Variants in MZT2B observed in about 807,000 individuals in gnomAD.
MZT2B encodes mitotic spindle organizing protein 2B.
In MZT2B, 11 loss-of-function variants were observed where a neutral mutation model predicts 12.1. That is an observed-to-expected ratio of 0.91 (90% CI 0.57 to 1.50). The LOEUF (loss-of-function observed/expected upper bound fraction) is 1.50, where lower values mean the gene tolerates loss of function less well. Among genes scored for constraint, MZT2B ranks in the 40% most tolerant of loss-of-function variants. MZT2B has a pLI of 0.00. For missense variants in MZT2B, 209 were observed against 227.7 expected, an observed-to-expected ratio of 0.92 and a Z score of 0.53; for synonymous variants, 85 against 109.5, an observed-to-expected ratio of 0.78 and a Z score of 1.40.
At chr2:130,198,521 G>A in the MZT2B span, 13 of 877,478 alleles carry the variant, frequency 1.5e-5, 1 homozygote, top group Non-Finnish European at 2.1e-5. Context: ...GGCAGGCCGA[G>A]GGCCGGATCC....
downstream of MZT2B, chr2:130,193,702 C>T: frequency 6.6e-7 from 1 of 1,525,776 alleles, no homozygotes; most frequent in East Asian, 2.3e-5. Context: ...GGGATAGTCT[C>T]CCCAAAGGAT....
intron 2 of MZT2B, among the ~76,000 whole-genome samples, chr2:130,187,482 C>T (rs920418865): frequency 2.0e-5 from 3 of 152,168 alleles, no homozygotes; most frequent in Non-Finnish European, 4.4e-5. Context: ...AGCCACTGAC[C>T]CCTGCTGAGC....
downstream of MZT2B, chr2:130,190,815 C>T: frequency 2.3e-6 from 3 of 1,310,054 alleles, no homozygotes; most frequent in Non-Finnish European, 3.0e-6. Context: ...CTGGTTGTGC[C>T]ACAGTGAACT....
chr2:130,194,737 G>T (rs1219024361), downstream of MZT2B, among the ~76,000 whole-genome samples: 1 of 152,130 alleles, frequency 6.6e-6, no homozygotes, highest in East Asian at 1.9e-4. Context: ...GAGTGCAGTG[G>T]TGCAATCTCA....
At chr2:130,183,770 C>A in intron 2 of MZT2B, 1 of 1,550,580 alleles carries the variant, frequency 6.4e-7, no homozygotes, top group East Asian at 2.4e-5. Context: ...CTCTTTGTGT[C>A]TCTCTCTGAC....
Position 130,184,198 on chromosome 2 carries a change from C to T in MZT2B, c.319+1423C>T, listed in dbSNP as rs1317109118. 5 of 1,433,868 alleles carry T rather than the reference C, an allele frequency of 3.5e-6. No homozygotes were observed. The East Asian group carries it at 1.0e-4, about 29-fold the overall frequency. 88.8% of individuals were successfully genotyped at this position (1,433,868 alleles called of 1,614,324 possible). A position where few individuals can be genotyped will look rare whatever the true frequency, so the allele number is the denominator to read the frequency against. ...TGGCATCTGGGGACAGGACCAACACCCCCACACCCCAGAGGCGAACTGTGG... is the reference window on the plus strand; with the variant it reads ...TGGCATCTGGGGACAGGACCAACACTCCCACACCCCAGAGGCGAACTGTGG... On this transcript the variant is annotated intron_variant, in intron 2 of 2. Transcript: ENST00000281871.
intron 2 of MZT2B, among the ~76,000 whole-genome samples, chr2:130,185,990 T>C (rs10200780): frequency 0.46 from 70,156 of 151,798 alleles, 16,618 homozygotes; most frequent in African/African-American, 0.56. Flanking sequence ...ATGGGGCAGA[T>C]GTGGGGCCAC....
chr2:130,190,213 G>A (rs578047010), intron 2 of MZT2B, among the ~76,000 whole-genome samples: 1 of 152,132 alleles, frequency 6.6e-6, no homozygotes, highest in African/African-American at 2.4e-5. Context: ...TGTTCCCTTG[G>A]CAGTGTGCTC....
At chr2:130,198,472 T>C in the MZT2B span, 171 of 1,234,604 alleles carry the variant, frequency 1.4e-4, 49 homozygotes, top group South Asian at 2.1e-3. Flanking sequence ...AGGATTGGCC[T>C]GCCGGTGCCA....
At chr2:130,201,959 C>T in the MZT2B span, among the ~76,000 whole-genome samples, 13 of 152,096 alleles carry the variant, frequency 8.5e-5, no homozygotes, top group Non-Finnish European at 1.5e-4. Flanking sequence ...TGTTGTTGAC[C>T]GAAACATCAT....
At chr2:130,187,257 CAT>C (rs1392617117) in intron 2 of MZT2B, among the ~76,000 whole-genome samples, 1 of 152,144 alleles carries the variant, frequency 6.6e-6, no homozygotes, top group Non-Finnish European at 1.5e-5. Context: ...GTGGCACACT[CAT>C]AGCTCACTGC....
At chr2:130,195,193 G>A (rs1438418293), downstream of MZT2B, 2 of 1,613,964 alleles carry the variant, frequency 1.2e-6, no homozygotes, top group African/African-American at 1.3e-5. Flanking sequence ...GCTCTGGGTG[G>A]AAGAGCTGCC....
the MZT2B span, chr2:130,204,138 A>C: frequency 2.4e-6 from 3 of 1,264,656 alleles, no homozygotes; most frequent in East Asian, 1.7e-4. Context: ...TTTGTTAAGC[A>C]AACATAAAAC....
chr2:130,187,635 C>T lies in MZT2B; in HGVS notation c.320-2834C>T, dbSNP rs981774031. Among the ~76,000 whole-genome samples, 3 of 152,136 alleles carry T rather than the reference C, an allele frequency of 2.0e-5. 1 individual carries two copies. The highest frequency in any genetic ancestry group is 2.9e-5 in the Non-Finnish European group (2 of 68,024). ...CTTGGTTCAATCCCACTGTCTAGCC[C>T]GTCTGACTCAGTAGCCCCTCCCGAG... On this transcript the variant is annotated intron_variant, in intron 2 of 2. Transcript: ENST00000281871.
At chr2:130,192,064 C>T (rs570017945), downstream of MZT2B, 7 of 1,613,146 alleles carry the variant, frequency 4.3e-6, no homozygotes, top group African/African-American at 6.7e-5. Context: ...ATGCACACGG[C>T]CCGCTGCACC....
intron 2 of MZT2B, chr2:130,184,398 G>C: frequency 2.0e-6 from 2 of 985,430 alleles, no homozygotes; most frequent in Non-Finnish European, 2.4e-6. Flanking sequence ...AGTCTCCTGG[G>C]CAGTGCCACA....
chr2:130,196,685 T>C, the MZT2B span, among the ~76,000 whole-genome samples: 20 of 152,216 alleles, frequency 1.3e-4, no homozygotes, highest in Non-Finnish European at 2.5e-4. Context: ...TCACAGTAAT[T>C]CTCTGAAGAA....
At chr2:130,200,637 A>G in the MZT2B span, among the ~76,000 whole-genome samples, 2 of 152,226 alleles carry the variant, frequency 1.3e-5, no homozygotes, top group African/African-American at 4.8e-5. Context: ...TTCTTTGGTG[A>G]GAGGGAGTGG....
chr2:130,201,043 C>T, the MZT2B span, among the ~76,000 whole-genome samples: 2 of 152,378 alleles, frequency 1.3e-5, no homozygotes, highest in Non-Finnish European at 2.9e-5. Context: ...CCTTAACTTT[C>T]CCTCCTGAGA....
Sources: allele counts gnomAD v4.1 joint callset (sites outside exome capture counted in the v4.1 genomes callset), GRCh38; gene constraint gnomAD v4.1.1; transcripts MANE v1.5; gene names NCBI Gene and HGNC (gene_info 2026-07-23, HGNC 2026-07-21).